The following PRKN variants were observed in gnomAD, a reference collection of about 807,000 sequenced individuals.
PRKN encodes the protein E3 ubiquitin-protein ligase parkin.
PRKN carries 56 observed loss-of-function variants against 59.5 expected under a neutral mutation model. The observed-to-expected ratio is 0.94, with a 90% confidence interval of 0.76 to 1.18. The LOEUF (loss-of-function observed/expected upper bound fraction) is 1.18. Among genes scored for constraint, PRKN ranks in the 50% most tolerant of loss-of-function variants. The probability of loss-of-function intolerance (pLI) is 0.00; values close to 1 mark genes in which losing one functional copy is unlikely to be tolerated. For synonymous variants in PRKN, 250 were observed against 222.1 expected, an observed-to-expected ratio of 1.13 and a Z score of -1.12; for missense variants, 657 against 596.4, an observed-to-expected ratio of 1.10 and a Z score of -1.06.
chr6:162,221,693 G>A (rs540782515), intron 3 of PRKN, among the ~76,000 whole-genome samples: 50 of 152,216 alleles, frequency 3.3e-4, no homozygotes, highest in Middle Eastern at 6.8e-3. Flanking sequence ...AAAAATGTAT[G>A]AAGCTTACAG....
In PRKN at chr6:161,413,311, T is replaced by C. The variant is rs565315305; in HGVS notation, c.1084-26434A>G. 2.6e-5 allele frequency among the ~76,000 whole-genome samples: 4 copies of C among 152,190 alleles called. No individual in the cohort carries two copies. In the South Asian group the frequency reaches 8.3e-4, roughly 32 times the overall value. On this transcript the variant is annotated intron_variant, in intron 9 of 11. Transcript: ENST00000366898. The surrounding 1 kb of genome is among the most constrained non-coding windows in gnomAD (Gnocchi z 4.4). ...TCCTTGTTCCACTGCCAGGGTCCTGTCCTCCCTCCGCTTTCCCTTCACTTC... is the reference window on the plus strand; with the variant it reads ...TCCTTGTTCCACTGCCAGGGTCCTGCCCTCCCTCCGCTTTCCCTTCACTTC...
In PRKN at chr6:162,184,536, T is replaced by C. The variant is rs528578441; in HGVS notation, c.534+16595A>G. 2.6e-5 allele frequency among the ~76,000 whole-genome samples: 4 copies of C among 152,290 alleles called. No individual in the cohort carries two copies. The South Asian group carries it at 8.3e-4, about 32-fold the overall frequency. ...GGCTTCTCCCTTCGTGCGGTTCTCA[T>C]TTCTTCTCTCTCTTGCTGCCCTGTG... On this transcript the variant is annotated intron_variant, in intron 4 of 11. Coordinates refer to ENST00000366898, the MANE Select transcript of PRKN (RefSeq NM_004562.3).
At chr6:161,709,365 C>T (rs1786645135) in intron 7 of PRKN, among the ~76,000 whole-genome samples, 1 of 152,118 alleles carries the variant, frequency 6.6e-6, no homozygotes, top group African/African-American at 2.4e-5. Flanking sequence ...ATGAATTTAT[C>T]AGACTCAATT....
rs112167484 is a variant in PRKN at position 161,414,255 on chromosome 6, C to T, written c.1084-27378G>A. Among the ~76,000 whole-genome samples, 302 of 152,088 alleles carry T rather than the reference C, an allele frequency of 2.0e-3. 3 individuals carry two copies. The highest frequency in any genetic ancestry group is 7.0e-3 in the African/African-American group (292 of 41,456). Reference sequence around the variant, plus strand: ...TCTCCCCAGATGTCAGAGCCGTGCACCCTTCTCCGGAAGGCTGGAGGGTGT... The same window carrying T: ...TCTCCCCAGATGTCAGAGCCGTGCATCCTTCTCCGGAAGGCTGGAGGGTGT... On this transcript the variant is annotated intron_variant, in intron 9 of 11. Coordinates refer to ENST00000366898, the MANE Select transcript of PRKN (RefSeq NM_004562.3). The surrounding 1 kb of genome is among the most constrained non-coding windows in gnomAD (Gnocchi z 5.3).
chr6:161,639,067 C>G (rs1417279025), intron 7 of PRKN, among the ~76,000 whole-genome samples: 2 of 152,088 alleles, frequency 1.3e-5, no homozygotes, highest in Non-Finnish European at 2.9e-5. Flanking sequence ...CCCCCTTTTG[C>G]TCGGCACTTC....
chr6:161,916,400 T>C (rs1372360220), intron 6 of PRKN, among the ~76,000 whole-genome samples: 3 of 152,244 alleles, frequency 2.0e-5, no homozygotes, highest in South Asian at 2.1e-4. Flanking sequence ...GTGAATATCA[T>C]AGGCCAAATG....
At chr6:161,644,631 C>T (rs548174740) in intron 7 of PRKN, among the ~76,000 whole-genome samples, 16 of 152,284 alleles carry the variant, frequency 1.1e-4, no homozygotes, top group East Asian at 1.9e-4. Flanking sequence ...GTCTTCATGG[C>T]GTCTGTTGGC....
intron 1 of PRKN, among the ~76,000 whole-genome samples, chr6:162,618,876 G>GT (rs1782539835): frequency 6.6e-6 from 1 of 152,204 alleles, no homozygotes; most frequent in Non-Finnish European, 1.5e-5. Flanking sequence ...TGCATTCGCA[G>GT]TAAGAGAGCC....
At chr6:161,614,684 T>C (rs1294750987) in intron 7 of PRKN, among the ~76,000 whole-genome samples, 2 of 152,270 alleles carry the variant, frequency 1.3e-5, no homozygotes, top group African/African-American at 2.4e-5. Flanking sequence ...ACAGTGGGAA[T>C]GTCTAGTTTT....
At chr6:161,787,338 C>T (rs1009131055) in intron 6 of PRKN, among the ~76,000 whole-genome samples, 1 of 152,134 alleles carries the variant, frequency 6.6e-6, no homozygotes, top group Admixed American at 6.5e-5. Flanking sequence ...TGAGCAAGGG[C>T]GCACCTAAAG....
rs1254965901 is a variant in PRKN, at chr6:161,676,550, T to C, written c.872-107134A>G. Among the ~76,000 whole-genome samples, 3 of 152,348 alleles carry C rather than the reference T, an allele frequency of 2.0e-5. No individual in the cohort carries two copies. The East Asian group carries it at 5.8e-4, about 29-fold the overall frequency. On this transcript the variant is annotated intron_variant, in intron 7 of 11. Transcript: ENST00000366898. ...TCTGTAAGTAAAGTCTGATTGGAAC[T>C]CAGCAGCCTCACTCATTCGTTCATG...
At chr6:161,862,749 CGAGAAGGAGTCCAAGCCATTCAGAGGT>C in intron 6 of PRKN, among the ~76,000 whole-genome samples, 1 of 151,598 alleles carries the variant, frequency 6.6e-6, no homozygotes, top group African/African-American at 2.4e-5. Context: ...CATTCAGAGG[CGAGAAGGAGTCCAAGCCATTCAGAGGT>C]AAGAAGGAGT....
At chr6:162,150,522 T>C (rs1370962162) in intron 4 of PRKN, among the ~76,000 whole-genome samples, 1 of 152,184 alleles carries the variant, frequency 6.6e-6, no homozygotes, top group Non-Finnish European at 1.5e-5. Context: ...AGCTGTTACT[T>C]TGAAAAAGAC....
In PRKN at chr6:161,386,922, T is replaced by C. The variant is rs775043892; in HGVS notation, c.1084-45A>G. The C allele has an allele frequency of 2.4e-5, 36 of 1,475,460 alleles. No individual in the cohort carries two copies. Among genetic ancestry groups the C allele is most frequent in the Middle Eastern group, 1.7e-4 (1 of 5,786 alleles). The allele number at this position is 1,475,460 out of a possible 1,614,324, so 91.4% of individuals were successfully genotyped here. ...CATTAATTAGGGACATTAGGTTGCATTTGGCAATAACACATTTTTCCTTTT... is the reference window on the plus strand; with the variant it reads ...CATTAATTAGGGACATTAGGTTGCACTTGGCAATAACACATTTTTCCTTTT... On this transcript the variant is annotated intron_variant, in intron 9 of 11. Transcript: ENST00000366898. This position sits in a 1 kb window ranked among gnomAD's most constrained non-coding sequence, Gnocchi z 4.3.
chr6:162,652,790 T>TAAG (rs1045049029), intron 1 of PRKN, among the ~76,000 whole-genome samples: 2 of 151,302 alleles, frequency 1.3e-5, no homozygotes, highest in African/African-American at 4.9e-5. Flanking sequence ...TAAAAAAAAA[T>TAAG]AAGAAGAAGA....
rs59962412 is a variant in PRKN, at chr6:162,596,267, A to G, written c.7+131395T>C. Among the ~76,000 whole-genome samples the G allele has an allele frequency of 5.2e-3, 787 of 152,122 alleles. 7 individuals carry two copies. The highest frequency in any genetic ancestry group is 0.018 in the African/African-American group (760 of 41,478). On this transcript the variant is annotated intron_variant, in intron 1 of 11. Transcript: ENST00000366898. ...ATCAATTTTTCTTTTTCTTTTTTGT[A>G]TTTCCACAAGTGACAACTCAGCAAC... is the stretch of plus-strand genomic sequence containing the variant.
At chr6:162,704,000 C>T (rs1464082175) in intron 1 of PRKN, among the ~76,000 whole-genome samples, 1 of 152,136 alleles carries the variant, frequency 6.6e-6, no homozygotes, top group Non-Finnish European at 1.5e-5. Flanking sequence ...GGGGGATTTG[C>T]TTTGTAATTA....
chr6:162,078,183 G>C (rs1168774362), intron 4 of PRKN, among the ~76,000 whole-genome samples: 1 of 151,716 alleles, frequency 6.6e-6, no homozygotes, highest in African/African-American at 2.4e-5. Context: ...AACAGATCAT[G>C]GGTTCTCAGC....
chr6:161,623,595 A>G (rs1782985902), intron 7 of PRKN, among the ~76,000 whole-genome samples: 1 of 152,196 alleles, frequency 6.6e-6, no homozygotes. Flanking sequence ...ATGTCAACAG[A>G]GCTCTTGAAT....
Sources: allele counts gnomAD v4.1 joint callset (sites outside exome capture counted in the v4.1 genomes callset), GRCh38; gene constraint gnomAD v4.1.1; non-coding constraint Gnocchi (gnomAD v3.1); transcripts MANE v1.5; gene names NCBI Gene and HGNC (gene_info 2026-07-23, HGNC 2026-07-21).